Variants in INPP4B observed in about 807,000 individuals in gnomAD.
INPP4B encodes inositol polyphosphate-4-phosphatase type II B, also known as inositol polyphosphate 4-phosphatase type II.
INPP4B carries 55 observed loss-of-function variants against 122.5 expected under a neutral mutation model. The observed-to-expected ratio is 0.45, with a 90% confidence interval of 0.36 to 0.56. INPP4B has a LOEUF of 0.56. Among genes scored for constraint, INPP4B ranks in the 20% least tolerant of loss-of-function variants. The pLI, the probability that INPP4B is intolerant of heterozygous loss-of-function variation, is 0.00. For missense variants in INPP4B, 1,000 were observed against 1,097.7 expected, an observed-to-expected ratio of 0.91 and a Z score of 1.26; for synonymous variants, 403 against 388.7, an observed-to-expected ratio of 1.04 and a Z score of -0.43.
intron 1 of INPP4B, among the ~76,000 whole-genome samples, chr4:142,841,044 T>TA (rs202130366): frequency 4.6e-5 from 7 of 151,858 alleles, no homozygotes; most frequent in Non-Finnish European, 5.9e-5. Flanking sequence ...TTTACTTTTT[T>TA]AAAAAAAAGT....
In INPP4B at chr4:142,112,495, A is replaced by C. The variant is rs747263790; in HGVS notation, c.2276+47T>G. 4 of 1,605,376 alleles carry C rather than the reference A, an allele frequency of 2.5e-6. 1 individual carries two copies. In the Admixed American group the frequency reaches 6.8e-5, roughly 27 times the overall value. On this transcript the variant is annotated intron_variant, in intron 22 of 25. Transcript: ENST00000262992. ...ATGGGACTTCTCATCATATGCTTAA[A>C]AGGAACAAAGAAAAATCTCAAGTGC...
intron 2 of INPP4B, among the ~76,000 whole-genome samples, chr4:142,651,230 G>C (rs1752899140): frequency 6.6e-6 from 1 of 152,088 alleles, no homozygotes; most frequent in Non-Finnish European, 1.5e-5. Context: ...CATGTTTGGA[G>C]GAAAATTTAT....
intron 21 of INPP4B, among the ~76,000 whole-genome samples, chr4:142,118,026 G>A (rs911223641): frequency 6.6e-6 from 1 of 152,162 alleles, no homozygotes; most frequent in Admixed American, 6.5e-5. Flanking sequence ...CAAATCATGA[G>A]TGAACTCCCA....
chr4:142,047,705 G>A (rs372150622), intron 25 of INPP4B, among the ~76,000 whole-genome samples: 2 of 151,986 alleles, frequency 1.3e-5, no homozygotes, highest in African/African-American at 4.8e-5. Flanking sequence ...TACTTTTCAG[G>A]TTTTATATAT....
intron 3 of INPP4B, 148 bp from the exon 4 acceptor site, chr4:142,431,533 A>G: frequency 2.2e-6 from 1 of 457,692 alleles, no homozygotes; most frequent in Non-Finnish European, 3.9e-6. Flanking sequence ...CCACACAGTT[A>G]ATGCATCATA....
At chr4:142,438,269 G>C (rs1049744819) in intron 3 of INPP4B, among the ~76,000 whole-genome samples, 2 of 152,084 alleles carry the variant, frequency 1.3e-5, no homozygotes, top group Non-Finnish European at 2.9e-5. Flanking sequence ...AAAGAACATA[G>C]CTGGAGGCAT....
intron 2 of INPP4B, among the ~76,000 whole-genome samples, chr4:142,573,833 T>A (rs768804267): frequency 6.6e-6 from 1 of 152,092 alleles, no homozygotes; most frequent in Non-Finnish European, 1.5e-5. Context: ...CTCTTCCTTA[T>A]CAAATCTACC....
chr4:142,709,568 C>A (rs1009490892), intron 2 of INPP4B, among the ~76,000 whole-genome samples: 1 of 152,026 alleles, frequency 6.6e-6, no homozygotes, highest in Admixed American at 6.6e-5. Context: ...CTATGTAGCA[C>A]CTCCCCTTCA....
intron 7 of INPP4B, among the ~76,000 whole-genome samples, chr4:142,346,950 G>A (rs1780487488): frequency 6.6e-6 from 1 of 152,014 alleles, no homozygotes; most frequent in African/African-American, 2.4e-5. Context: ...AATAGGTGAA[G>A]ATGCCAGGCA....
intron 2 of INPP4B, among the ~76,000 whole-genome samples, chr4:142,652,420 A>C (rs959868282): frequency 1.3e-5 from 2 of 152,132 alleles, no homozygotes; most frequent in Admixed American, 6.5e-5. Context: ...GGAAAAGAGG[A>C]AGTCAAATTG....
At chr4:142,444,302 T>C (rs570664420) in intron 3 of INPP4B, among the ~76,000 whole-genome samples, 4 of 152,228 alleles carry the variant, frequency 2.6e-5, no homozygotes, top group African/African-American at 9.6e-5. Flanking sequence ...TTTTCTCCCA[T>C]TCTGTAGGTT....
At chr4:142,217,387 T>C (rs2149653282) in intron 12 of INPP4B, among the ~76,000 whole-genome samples, 1 of 152,288 alleles carries the variant, frequency 6.6e-6, no homozygotes, top group East Asian at 1.9e-4. Flanking sequence ...GATGGGCTTG[T>C]TGACTGAATA....
At chr4:142,705,458 A>ACAC (rs1762355101) in intron 2 of INPP4B, among the ~76,000 whole-genome samples, 3 of 146,204 alleles carry the variant, frequency 2.1e-5, no homozygotes, top group African/African-American at 5.1e-5. Context: ...TCCCACCCCA[A>ACAC]ACACACACAC....
At chr4:142,674,403 G>T (rs1757424995) in intron 2 of INPP4B, among the ~76,000 whole-genome samples, 1 of 152,056 alleles carries the variant, frequency 6.6e-6, no homozygotes, top group Non-Finnish European at 1.5e-5. Flanking sequence ...AGCTATTTAA[G>T]ATGTTAACTC....
chr4:142,511,558 G>T (rs1418008901), intron 2 of INPP4B, among the ~76,000 whole-genome samples: 1 of 152,130 alleles, frequency 6.6e-6, no homozygotes, highest in East Asian at 1.9e-4. Context: ...TAGATAGTGT[G>T]TTAAGAGTTT....
At chr4:142,631,769 G>A (rs985018593) in intron 2 of INPP4B, among the ~76,000 whole-genome samples, 9 of 152,104 alleles carry the variant, frequency 5.9e-5, no homozygotes, top group South Asian at 2.1e-4. Flanking sequence ...AGCTGAACAC[G>A]TAAAATATTT....
intron 11 of INPP4B, among the ~76,000 whole-genome samples, chr4:142,239,473 A>G (rs759752837): frequency 2.5e-4 from 38 of 152,128 alleles, no homozygotes; most frequent in African/African-American, 6.3e-4. Flanking sequence ...AATTTTGTCA[A>G]TTTGGTTGTT....
chr4:142,696,103 A>G (rs1486337212), intron 2 of INPP4B, among the ~76,000 whole-genome samples: 1 of 152,156 alleles, frequency 6.6e-6, no homozygotes, highest in Non-Finnish European at 1.5e-5. Context: ...AAGGTTAGAA[A>G]GGTCCCAGGA....
intron 7 of INPP4B, among the ~76,000 whole-genome samples, chr4:142,336,234 G>A (rs972803827): frequency 3.3e-5 from 5 of 152,226 alleles, no homozygotes; most frequent in Non-Finnish European, 7.3e-5. Flanking sequence ...TGAGACAAGA[G>A]CCTGGAACCT....
Sources: gnomAD v4.1 joint callset for allele counts (sites outside exome capture counted in the v4.1 genomes callset) on GRCh38, gnomAD v4.1.1 for gene constraint, MANE v1.5 for transcripts, NCBI Gene and HGNC (gene_info 2026-07-23, HGNC 2026-07-21) for gene names.